Variants in HDAC1 observed in about 807,000 individuals in gnomAD.
HDAC1 encodes the protein histone deacetylase 1.
A neutral mutation model predicts 65.5 loss-of-function variants in HDAC1; 18 were observed. The observed-to-expected ratio is 0.27, with a 90% CI of 0.19 to 0.41. The LOEUF is 0.41. Ranked by LOEUF, HDAC1 falls within the 10% of genes least tolerant of loss-of-function variation. HDAC1 has a pLI of 1.00. For missense variants in HDAC1, 373 were observed against 625.2 expected, an observed-to-expected ratio of 0.60 and a Z score of 4.30; for synonymous variants, 211 against 227.9, an observed-to-expected ratio of 0.93 and a Z score of 0.67.
intron 3 of HDAC1, among the ~76,000 whole-genome samples, chr1:32,318,545 AG>A (rs1443202979): frequency 1.3e-5 from 2 of 150,308 alleles, no homozygotes; most frequent in African/African-American, 5.0e-5. Flanking sequence ...CCTGGGCAAC[AG>A]AGCGAGACCA....
chr1:32,305,212 T>C (rs929696991), intron 2 of HDAC1, among the ~76,000 whole-genome samples: 1 of 152,212 alleles, frequency 6.6e-6, no homozygotes, highest in Admixed American at 6.5e-5. Flanking sequence ...TGTATTTCAT[T>C]GAAATAAATG....
chr1:32,326,207 C>G (rs1641215047), intron 4 of HDAC1, among the ~76,000 whole-genome samples: 1 of 151,586 alleles, frequency 6.6e-6, no homozygotes, highest in African/African-American at 2.4e-5. Context: ...ATCACCCAGG[C>G]TGGAGTGCAG....
At chr1:32,316,552 A>T in intron 2 of HDAC1, 113 bp from the exon 3 acceptor site, 1 of 669,894 alleles carries the variant, frequency 1.5e-6, no homozygotes, top group Admixed American at 2.4e-5. Context: ...ATTTCTTTTT[A>T]TTCTTTATAG....
At position 32,330,363 on chromosome 1, in the gene HDAC1, T is replaced by C. The variant is rs536986245; in HGVS notation, c.730-215T>C. ...CATTCTAGGTTCAGTGTTACTAGAG[T>C]GTTAGAAGGGTCTTAGAGAACTTTT... On this transcript the variant is annotated intron_variant, in intron 7 of 13. Transcript: ENST00000373548. The surrounding 1 kb of genome is among the most constrained non-coding windows in gnomAD (Gnocchi z 4.2). 1.7e-5 allele frequency: 9 copies of C among 531,926 alleles called. No homozygotes were observed. In the East Asian group the frequency reaches 3.0e-4, roughly 17 times the overall value. 33.0% of individuals were successfully genotyped at this position (531,926 alleles called of 1,614,324 possible).
rs1379626955 is a variant in HDAC1 at position 32,330,959 on chromosome 1, A to C, written c.979+51A>C. ...CTGGGCTGGGTGGGAGCTGGAGCTC[A>C]TCTGTCCTTAAGTTTATAACCCCTT... On this transcript the variant is annotated intron_variant, in intron 9 of 13. Coordinates refer to ENST00000373548, the MANE Select transcript of HDAC1 (RefSeq NM_004964.3). This position sits in a 1 kb window ranked among gnomAD's most constrained non-coding sequence, Gnocchi z 4.2. 6.3e-7 allele frequency: 1 copy of C among 1,593,468 alleles called. No individual in the cohort carries two copies. Among genetic ancestry groups the C allele is most frequent in the Non-Finnish European group, 8.6e-7 (1 of 1,162,162 alleles).
rs371442878 is a variant in HDAC1, at chr1:32,309,861, A to G, written c.163-6804A>G. Reference sequence around the variant, plus strand: ...AAGTGTGTGCCTGGGTTGACTTTTCATTTGCAACCTAAAGGTTGAGTAGAG... The same window carrying G: ...AAGTGTGTGCCTGGGTTGACTTTTCGTTTGCAACCTAAAGGTTGAGTAGAG... On this transcript the variant is annotated intron_variant, in intron 2 of 13. Transcript: ENST00000373548. 6.6e-5 allele frequency among the ~76,000 whole-genome samples: 10 copies of G among 151,902 alleles called. No individual in the cohort carries two copies. In the East Asian group the frequency reaches 1.7e-3, roughly 26 times the overall value.
intron 1 of HDAC1, among the ~76,000 whole-genome samples, chr1:32,299,040 G>A (rs1379458342): frequency 6.6e-6 from 1 of 151,996 alleles, no homozygotes; most frequent in African/African-American, 2.4e-5. Context: ...AAATAAAAAG[G>A]ACCATTTCTT....
At position 32,331,766 on chromosome 1, in the gene HDAC1, T is replaced by TGGC; in HGVS notation, c.1181_1183dup (p.Gly394dup). On this transcript the variant is annotated inframe_insertion, in exon 11 of 14. Transcript: ENST00000373548. This position sits in a 1 kb window ranked among gnomAD's most constrained non-coding sequence, Gnocchi z 4.2. ...CTGAGGACGCCATCCCTGAGGAGAG[T>TGGC]GGCGATGAGGACGAAGACGACCCTG... 6.2e-7 allele frequency: 1 copy of TGGC among 1,613,568 alleles called. No homozygotes were observed. Among genetic ancestry groups the TGGC allele is most frequent in the Non-Finnish European group, 8.5e-7 (1 of 1,179,854 alleles).
At chr1:32,313,584 T>A (rs1641019716) in intron 2 of HDAC1, among the ~76,000 whole-genome samples, 1 of 152,198 alleles carries the variant, frequency 6.6e-6, no homozygotes. Context: ...ATGTTGGCTG[T>A]GTATTGAAAA....
chr1:32,292,518 C>T (rs1569993806), intron 1 of HDAC1: 1 of 823,254 alleles, frequency 1.2e-6, no homozygotes, highest in African/African-American at 1.8e-5. Flanking sequence ...TGCGTCGGAG[C>T]GGGGAGGCTG....
At chr1:32,322,394 A>C (rs985371340) in intron 3 of HDAC1, among the ~76,000 whole-genome samples, 4 of 151,822 alleles carry the variant, frequency 2.6e-5, no homozygotes, top group African/African-American at 9.7e-5. Flanking sequence ...CTCCTGCCTC[A>C]GCCTCCTGAG....
chr1:32,328,404 C>T (rs748526498), intron 6 of HDAC1, among the ~76,000 whole-genome samples: 15 of 152,072 alleles, frequency 9.9e-5, no homozygotes, highest in Non-Finnish European at 1.9e-4. Context: ...CTCCGCCTCC[C>T]GCCTCCAGGC....
chr1:32,303,193 G>A (rs953534504), intron 2 of HDAC1, among the ~76,000 whole-genome samples: 22 of 152,046 alleles, frequency 1.4e-4, no homozygotes, highest in African/African-American at 4.6e-4. Context: ...AGCCAGGTGC[G>A]GTGGCTCATG....
Position 32,327,662 on chromosome 1 carries a change from A to C in HDAC1, c.621A>C (p.Gly207=). The change falls in exon 6 of 14, where the codon GGA becomes GGC. Residue 207 remains glycine, a synonymous_variant. Coordinates refer to ENST00000373548, the MANE Select transcript of HDAC1 (RefSeq NM_004964.3). The surrounding 1 kb of genome is among the most constrained non-coding windows in gnomAD (Gnocchi z 6.0). The part of the protein sequence containing the change: ...SFHKYGEYFP[G]TGDLRDIGAG... ...ATAAGTATGGAGAGTACTTCCCAGG[A>C]ACTGGGGACCTACGGGTGAGAACGC... The C allele has an allele frequency of 2.5e-6, 4 of 1,614,100 alleles. No homozygotes were observed. The highest frequency in any genetic ancestry group is 2.5e-6 in the Non-Finnish European group (3 of 1,179,948).
At chr1:32,316,201 G>C (rs917410424) in intron 2 of HDAC1, among the ~76,000 whole-genome samples, 1 of 151,490 alleles carries the variant, frequency 6.6e-6, no homozygotes, top group Non-Finnish European at 1.5e-5. Flanking sequence ...GGAGAATGGC[G>C]TGAAGCCGGG....
intron 1 of HDAC1, chr1:32,292,492 C>A (rs1214880025): frequency 2.1e-6 from 2 of 940,778 alleles, no homozygotes; most frequent in Non-Finnish European, 2.5e-6. Flanking sequence ...TTGAGTGGGA[C>A]TCCTAGAGGG....
At chr1:32,298,379 G>T (rs1291509420) in intron 1 of HDAC1, among the ~76,000 whole-genome samples, 1 of 151,686 alleles carries the variant, frequency 6.6e-6, no homozygotes, top group Non-Finnish European at 1.5e-5. Context: ...CAGGCACCGC[G>T]CCCGGCCATT....
chr1:32,294,509 CTTTT>C (rs533642905), intron 1 of HDAC1, among the ~76,000 whole-genome samples: 2 of 125,516 alleles, frequency 1.6e-5, no homozygotes, highest in Non-Finnish European at 1.7e-5. Context: ...CAGTTGATAA[CTTTT>C]TTTTTTTTTT....
chr1:32,292,276 A>T, intron 1 of HDAC1, 58 bp downstream of exon 1: 1 of 1,544,000 alleles, frequency 6.5e-7, no homozygotes, highest in Non-Finnish European at 8.7e-7. Flanking sequence ...GGGAACCTGG[A>T]GGCTGAGGCT....
Sources: gnomAD v4.1 joint callset for allele counts (sites outside exome capture counted in the v4.1 genomes callset) on GRCh38, gnomAD v4.1.1 for gene constraint, Gnocchi (gnomAD v3.1) non-coding constraint, MANE v1.5 for transcripts, NCBI Gene and HGNC (gene_info 2026-07-23, HGNC 2026-07-21) for gene names.